The following LTBP1 variants were observed in gnomAD, a reference collection of about 807,000 sequenced individuals.
LTBP1 encodes latent-transforming growth factor beta-binding protein 1.
A neutral mutation model predicts 207.6 loss-of-function variants in LTBP1; 129 were observed. That is an observed-to-expected ratio of 0.62 (90% CI 0.54 to 0.72). LTBP1 has a LOEUF of 0.72. Among genes scored for constraint, LTBP1 ranks in the 30% least tolerant of loss-of-function variants. LTBP1 has a pLI of 0.00. For synonymous variants in LTBP1, 963 were observed against 833.7 expected, an observed-to-expected ratio of 1.16 and a Z score of -2.67; for missense variants, 2,281 against 2,217.2, an observed-to-expected ratio of 1.03 and a Z score of -0.58.
At chr2:33,198,782 C>T (rs368470780) in intron 7 of LTBP1, among the ~76,000 whole-genome samples, 11 of 151,962 alleles carry the variant, frequency 7.2e-5, no homozygotes, top group South Asian at 2.1e-4. Flanking sequence ...ATTTGATTCT[C>T]CTCTCTTTTC....
intron 15 of LTBP1, among the ~76,000 whole-genome samples, chr2:33,269,490 C>T (rs1266919263): frequency 6.6e-6 from 1 of 152,192 alleles, no homozygotes; most frequent in East Asian, 1.9e-4. Context: ...GGAGCACTCA[C>T]TTAATCGTCT....
At chr2:33,100,424 A>AG (rs919108456) in intron 3 of LTBP1, among the ~76,000 whole-genome samples, 7 of 151,698 alleles carry the variant, frequency 4.6e-5, no homozygotes, top group South Asian at 2.1e-4. Flanking sequence ...GGATGGGGGC[A>AG]GGGGGGGCAA....
At chr2:33,291,426 C>G (rs1176848714) in intron 19 of LTBP1, 3 of 152,196 alleles carry the variant, frequency 2.0e-5, no homozygotes, top group Non-Finnish European at 4.4e-5. Context: ...AGATACTAAA[C>G]ATGACATTTT....
intron 7 of LTBP1, among the ~76,000 whole-genome samples, chr2:33,194,563 T>G (rs548259167): frequency 3.3e-5 from 5 of 152,346 alleles, no homozygotes; most frequent in Admixed American, 6.5e-5. Flanking sequence ...AACAAGGACC[T>G]AACTTTCTTC....
chr2:33,104,423 G>A lies in LTBP1; in HGVS notation c.864-6159G>A, dbSNP rs916339377. ...TGGCTCCTACCATTCCTAACACCACGCTATTGATTTCTCTGGCCCTTGTTG... is the reference window on the plus strand; with the variant it reads ...TGGCTCCTACCATTCCTAACACCACACTATTGATTTCTCTGGCCCTTGTTG... On this transcript the variant is annotated intron_variant, in intron 3 of 33. Transcript: ENST00000404816. Among the ~76,000 whole-genome samples, 9 of 152,098 alleles carry A rather than the reference G, an allele frequency of 5.9e-5. 1 individual carries two copies. The highest frequency in any genetic ancestry group is 3.3e-4 in the Admixed American group (5 of 15,264).
At chr2:33,187,393 A>G (rs1055926166) in intron 6 of LTBP1, among the ~76,000 whole-genome samples, 1 of 152,210 alleles carries the variant, frequency 6.6e-6, no homozygotes, top group Non-Finnish European at 1.5e-5. Context: ...AAATAGAAAG[A>G]TGAGCAAGAC....
Position 32,948,731 on chromosome 2 carries a change from G to A in LTBP1, c.495-144G>A, listed in dbSNP as rs954909147. 1.2e-5 allele frequency: 9 copies of A among 740,496 alleles called. No homozygotes were observed. In the African/African-American group the frequency reaches 1.4e-4, roughly 11 times the overall value. The allele number at this position is 740,496 out of a possible 1,614,324, so 45.9% of individuals were successfully genotyped here. A position where few individuals can be genotyped will look rare whatever the true frequency, so the allele number is the denominator to read the frequency against. On this transcript the variant is annotated intron_variant, in intron 1 of 33. Transcript: ENST00000404816. ...CTCTGCTTGGGCAGCTTTGGGTTGG[G>A]CATCCAGGGTACCTGTTAGGACTCT... is the stretch of plus-strand genomic sequence containing the variant.
At chr2:33,078,119 C>G (rs2078183751) in intron 3 of LTBP1, among the ~76,000 whole-genome samples, 1 of 152,174 alleles carries the variant, frequency 6.6e-6, no homozygotes, top group Non-Finnish European at 1.5e-5. Flanking sequence ...GTCACTGATG[C>G]CTTTGGAGAC....
chr2:33,295,920 A>G (rs566820162), intron 20 of LTBP1, among the ~76,000 whole-genome samples: 13 of 152,304 alleles, frequency 8.5e-5, no homozygotes, highest in African/African-American at 2.6e-4. Flanking sequence ...CCTTGCTCCA[A>G]TAATACAACA....
At chr2:32,961,850 G>A (rs1679167644) in intron 2 of LTBP1, among the ~76,000 whole-genome samples, 1 of 151,776 alleles carries the variant, frequency 6.6e-6, no homozygotes, top group African/African-American at 2.4e-5. Flanking sequence ...GGAGGTTGAG[G>A]CAGGGGAATC....
intron 3 of LTBP1, among the ~76,000 whole-genome samples, chr2:33,060,314 C>G (rs913389164): frequency 6.6e-6 from 1 of 152,078 alleles, no homozygotes; most frequent in African/African-American, 2.4e-5. Flanking sequence ...TAATTTCCCC[C>G]TATTTTTAAA....
chr2:33,258,191 C>A (rs1029733245), intron 12 of LTBP1, among the ~76,000 whole-genome samples: 6 of 152,238 alleles, frequency 3.9e-5, no homozygotes, highest in Non-Finnish European at 8.8e-5. Context: ...GCTGTGGGGT[C>A]ATCCCTATCT....
intron 5 of LTBP1, among the ~76,000 whole-genome samples, chr2:33,148,002 T>A (rs1259988078): frequency 1.3e-5 from 2 of 152,214 alleles, no homozygotes; most frequent in Non-Finnish European, 2.9e-5. Context: ...AGCTTTGGGA[T>A]GTAGCCCAAA....
intron 3 of LTBP1, among the ~76,000 whole-genome samples, chr2:33,061,213 A>G (rs1411309655): frequency 1.3e-5 from 2 of 152,180 alleles, no homozygotes; most frequent in Non-Finnish European, 2.9e-5. Flanking sequence ...ATCCATTAAT[A>G]CACCCTATTT....
intron 3 of LTBP1, among the ~76,000 whole-genome samples, chr2:33,061,212 T>C (rs2077254997): frequency 1.3e-5 from 2 of 152,212 alleles, no homozygotes; most frequent in African/African-American, 2.4e-5. Context: ...CATCCATTAA[T>C]ACACCCTATT....
intron 24 of LTBP1, among the ~76,000 whole-genome samples, chr2:33,334,244 G>A (rs2094529399): frequency 6.6e-6 from 1 of 152,260 alleles, no homozygotes; most frequent in Non-Finnish European, 1.5e-5. Flanking sequence ...ATCCAATAGA[G>A]AGGGAAAGAA....
intron 24 of LTBP1, among the ~76,000 whole-genome samples, chr2:33,325,435 C>T (rs2149394310): frequency 6.6e-6 from 1 of 152,312 alleles, no homozygotes; most frequent in African/African-American, 2.4e-5. Flanking sequence ...AGGGCTTTCT[C>T]CCAGTCCTCA....
chr2:33,375,300 A>G (rs2095123478), intron 31 of LTBP1, among the ~76,000 whole-genome samples: 1 of 152,210 alleles, frequency 6.6e-6, no homozygotes, highest in African/African-American at 2.4e-5. Context: ...GTCAACGTTC[A>G]TCATGCACTG....
intron 7 of LTBP1, among the ~76,000 whole-genome samples, chr2:33,204,289 G>A (rs1398304048): frequency 6.7e-6 from 1 of 150,262 alleles, no homozygotes; most frequent in African/African-American, 2.5e-5. Context: ...CAAGGTCACT[G>A]TATGAGACTG....
Sources: gnomAD v4.1 joint callset for allele counts (sites outside exome capture counted in the v4.1 genomes callset) on GRCh38, gnomAD v4.1.1 for gene constraint, MANE v1.5 for transcripts, NCBI Gene and HGNC (gene_info 2026-07-23, HGNC 2026-07-21) for gene names.